The following SYN3 variants were observed in gnomAD, a reference collection of about 807,000 sequenced individuals.
SYN3 encodes the protein synapsin-3.
Under a neutral mutation model 65.8 loss-of-function variants are expected in SYN3, and 35 were observed. The observed-to-expected ratio is 0.53, with a 90% confidence interval of 0.41 to 0.70. The LOEUF (loss-of-function observed/expected upper bound fraction) is 0.70. SYN3 is among the 30% of genes least tolerant of loss of function. SYN3 has a pLI of 0.00. For missense variants in SYN3, 680 were observed against 749.0 expected (o/e 0.91, Z 1.08); for synonymous variants, 270 against 292.9 (o/e 0.92, Z 0.80).
At chr22:32,606,097 G>A (rs2059368189) in intron 6 of SYN3, among the ~76,000 whole-genome samples, 3 of 152,312 alleles carry the variant, frequency 2.0e-5, no homozygotes, top group African/African-American at 7.2e-5. Flanking sequence ...GGAGTAGGAC[G>A]GCAGTCTGCC....
At chr22:32,872,818 G>A (rs922593924) in intron 4 of SYN3, among the ~76,000 whole-genome samples, 4 of 152,100 alleles carry the variant, frequency 2.6e-5, no homozygotes, top group Non-Finnish European at 5.9e-5. Context: ...TAGTTACCGA[G>A]CCTCGACAGT....
intron 6 of SYN3, among the ~76,000 whole-genome samples, chr22:32,798,685 CTTTTTTTTTTTTT>C (rs751710119): frequency 4.3e-5 from 4 of 92,500 alleles, no homozygotes; most frequent in Non-Finnish European, 6.0e-5. Context: ...CATCTTCATT[CTTTTTTTTTTTTT>C]TTTTTTTTTT....
At position 32,840,173 on chromosome 22, in the gene SYN3, C is replaced by T. The variant is rs115936876; in HGVS notation, c.711+24742G>A. On this transcript the variant is annotated intron_variant, in intron 6 of 13. Coordinates refer to ENST00000358763, the MANE Select transcript of SYN3 (RefSeq NM_003490.4). Reference sequence around the variant, plus strand: ...TGGGTTGAAATGATTTGCAGCTTTCCAGATTTTCTGAGTGTGTGTCTTTGG... The same window carrying T: ...TGGGTTGAAATGATTTGCAGCTTTCTAGATTTTCTGAGTGTGTGTCTTTGG... 9.9e-3 allele frequency among the ~76,000 whole-genome samples: 1,503 copies of T among 152,242 alleles called. 27 individuals are homozygous for T. The highest frequency in any genetic ancestry group is 0.034 in the African/African-American group (1,407 of 41,548).
At chr22:32,643,748 C>T (rs1041507319) in intron 6 of SYN3, among the ~76,000 whole-genome samples, 4 of 151,918 alleles carry the variant, frequency 2.6e-5, no homozygotes, top group African/African-American at 9.7e-5. Flanking sequence ...GGTAACAATA[C>T]TTCTCCTATA....
chr22:32,614,558 G>A (rs1022598678), intron 6 of SYN3, among the ~76,000 whole-genome samples: 1 of 152,192 alleles, frequency 6.6e-6, no homozygotes, highest in East Asian at 1.9e-4. Flanking sequence ...GTGGTGGGGA[G>A]GTGGGGACTC....
intron 1 of SYN3, among the ~76,000 whole-genome samples, chr22:33,036,689 T>C (rs1012182931): frequency 1.6e-5 from 1 of 61,812 alleles, no homozygotes; most frequent in Non-Finnish European, 4.9e-5. Context: ...TTTTTTTTTT[T>C]TTTTTTTTTT....
chr22:32,780,970 C>CT, intron 6 of SYN3, among the ~76,000 whole-genome samples: 1 of 103,568 alleles, frequency 9.7e-6, no homozygotes, highest in South Asian at 3.5e-4. Flanking sequence ...TCCTTCCTTC[C>CT]TTCCTTCCCT....
chr22:32,907,585 A>T (rs1478267992), intron 4 of SYN3, among the ~76,000 whole-genome samples: 1 of 152,222 alleles, frequency 6.6e-6, no homozygotes, highest in Non-Finnish European at 1.5e-5. Context: ...GAGCCAAAAA[A>T]TTCACTAATC....
At chr22:32,931,575 A>T (rs908013388) in intron 3 of SYN3, 94 bp from the exon 4 acceptor site, 13 of 816,434 alleles carry the variant, frequency 1.6e-5, no homozygotes, top group Admixed American at 3.8e-5. Flanking sequence ...TACAAAGTAC[A>T]CCTTTAAAGC....
chr22:32,671,832 C>T (rs1401428189), intron 6 of SYN3, among the ~76,000 whole-genome samples: 2 of 152,146 alleles, frequency 1.3e-5, no homozygotes, highest in South Asian at 2.1e-4. Flanking sequence ...GGTGCACACA[C>T]ATGCTCTCAC....
At chr22:32,534,903 C>T (rs2058138016) in intron 9 of SYN3, among the ~76,000 whole-genome samples, 1 of 152,158 alleles carries the variant, frequency 6.6e-6, no homozygotes, top group South Asian at 2.1e-4. Flanking sequence ...AGGATTCCCT[C>T]GATCTCCTTG....
At chr22:32,725,682 G>T (rs757452512) in intron 6 of SYN3, among the ~76,000 whole-genome samples, 1 of 152,202 alleles carries the variant, frequency 6.6e-6, no homozygotes, top group Non-Finnish European at 1.5e-5. Flanking sequence ...TCCAGAGCTG[G>T]AAAAGATCAG....
At chr22:32,754,910 T>C (rs2045247984) in intron 6 of SYN3, among the ~76,000 whole-genome samples, 1 of 152,166 alleles carries the variant, frequency 6.6e-6, no homozygotes, top group African/African-American at 2.4e-5. Flanking sequence ...CTTCTCTCCA[T>C]GGGCCCCACA....
intron 7 of SYN3, among the ~76,000 whole-genome samples, chr22:32,590,643 T>C (rs926209297): frequency 6.6e-6 from 1 of 152,242 alleles, no homozygotes; most frequent in African/African-American, 2.4e-5. Flanking sequence ...ACTTTCTGTG[T>C]GTCTGTTCCA....
Position 32,539,608 on chromosome 22 carries a change from G to T in SYN3, c.918-1498C>A, listed in dbSNP as rs547827639. ...ACAAGCACAAAGGCCCGAGTGCAGG[G>T]CAAGGAGTGGGCCAGAGAGGGGGTT... On this transcript the variant is annotated intron_variant, in intron 8 of 13. Coordinates refer to ENST00000358763, the MANE Select transcript of SYN3 (RefSeq NM_003490.4). Among the ~76,000 whole-genome samples the T allele has an allele frequency of 5.1e-3, 774 of 152,314 alleles. 6 individuals carry two copies. Among genetic ancestry groups the T allele is most frequent in the African/African-American group, 0.018 (753 of 41,568 alleles).
At chr22:32,890,980 A>G (rs1437428375) in intron 4 of SYN3, among the ~76,000 whole-genome samples, 6 of 152,062 alleles carry the variant, frequency 3.9e-5, no homozygotes, top group Non-Finnish European at 8.8e-5. Flanking sequence ...AGCCAACTGG[A>G]AGCACTTGCT....
At chr22:32,528,771 T>C in intron 11 of SYN3, 103 bp downstream of exon 11, 1 of 1,508,042 alleles carries the variant, frequency 6.6e-7, no homozygotes, top group South Asian at 1.3e-5. Flanking sequence ...CCCAAGGTGG[T>C]TTCTTCCTGG....
At chr22:32,763,019 C>T (rs976897093) in intron 6 of SYN3, among the ~76,000 whole-genome samples, 14 of 152,282 alleles carry the variant, frequency 9.2e-5, no homozygotes, top group Non-Finnish European at 1.8e-4. Flanking sequence ...CAATTAGTAT[C>T]TTATTGAGTG....
At chr22:33,011,106 C>T (rs1034319485) in intron 1 of SYN3, among the ~76,000 whole-genome samples, 2 of 152,044 alleles carry the variant, frequency 1.3e-5, no homozygotes, top group African/African-American at 4.8e-5. Flanking sequence ...GCTAGGACCT[C>T]CAATATTGAA....
Sources: allele counts gnomAD v4.1 joint callset (sites outside exome capture counted in the v4.1 genomes callset), GRCh38; gene constraint gnomAD v4.1.1; transcripts MANE v1.5; gene names NCBI Gene and HGNC (gene_info 2026-07-23, HGNC 2026-07-21).